The following WASHC2A variants were observed in gnomAD, a reference collection of about 807,000 sequenced individuals.
WASHC2A encodes the protein WASH complex subunit FAM21A.
Under a neutral mutation model 140.3 loss-of-function variants are expected in WASHC2A, and 82 were observed. The observed-to-expected ratio is 0.58, with a 90% confidence interval of 0.49 to 0.70. WASHC2A has a LOEUF of 0.70. WASHC2A is among the 30% of genes least tolerant of loss of function. The pLI is 0.00. For synonymous variants in WASHC2A, 340 were observed against 560.8 expected (o/e 0.61, Z 5.56); for missense variants, 985 against 1,521.8 (o/e 0.65, Z 5.87).
chr10:50,113,199 C>T (rs1459889013), intron 20 of WASHC2A, among the ~76,000 whole-genome samples: 1 of 151,234 alleles, frequency 6.6e-6, no homozygotes, highest in Non-Finnish European at 1.5e-5. Flanking sequence ...GCGACCTCAC[C>T]TCTCCAAAAA....
intron 15 of WASHC2A, 23 bp downstream of exon 15, chr10:50,095,801 C>T: frequency 6.3e-7 from 1 of 1,587,428 alleles, no homozygotes; most frequent in Non-Finnish European, 8.6e-7. Context: ...GCCTCCGTTT[C>T]TAGGACTTCA....
chr10:50,075,917 T>C (rs1277726274), intron 3 of WASHC2A, among the ~76,000 whole-genome samples: 6 of 151,744 alleles, frequency 4.0e-5, no homozygotes, highest in Non-Finnish European at 7.4e-5. Flanking sequence ...CTTTTACTTA[T>C]TTATTTATTT....
chr10:50,125,929 G>T, intron 25 of WASHC2A, 128 bp from the exon 26 acceptor site: 4 of 1,064,034 alleles, frequency 3.8e-6, no homozygotes, highest in Non-Finnish European at 5.4e-6. Context: ...CTACCTTTGA[G>T]TTGGTTCAGC....
In WASHC2A at chr10:50,072,548, G is replaced by A. The variant is rs1479914487; in HGVS notation, c.291+2837G>A. Among the ~76,000 whole-genome samples, 4 of 135,152 alleles carry A rather than the reference G, an allele frequency of 3.0e-5. No homozygotes were observed. In the East Asian group the frequency reaches 8.8e-4, roughly 30 times the overall value. The allele number at this position is 135,152 out of a possible 152,430, so 88.7% of individuals were successfully genotyped here. On this transcript the variant is annotated intron_variant, in intron 3 of 30. Coordinates refer to ENST00000282633, the MANE Select transcript of WASHC2A (RefSeq NM_001005751.3). The stretch of plus-strand genomic sequence containing the variant: ...GTCGCCCAGACTGGAGTGCAGTGGT[G>A]CAATCTCAGCCCACTGCAAGCTCTA...
intron 20 of WASHC2A, among the ~76,000 whole-genome samples, chr10:50,113,223 G>A (rs1422092041): frequency 5.9e-5 from 9 of 151,954 alleles, no homozygotes; most frequent in African/African-American, 2.2e-4. Context: ...AAAAAAATTA[G>A]CCAGGCATGG....
intron 3 of WASHC2A, among the ~76,000 whole-genome samples, chr10:50,071,934 A>G (rs1421261837): frequency 1.4e-5 from 2 of 141,398 alleles, no homozygotes; most frequent in Non-Finnish European, 1.5e-5. Flanking sequence ...TCCGAGACAG[A>G]GTCTTGCTCT....
At position 50,097,757 on chromosome 10, in the gene WASHC2A, C is replaced by A. The variant is rs1840627041; in HGVS notation, c.1503C>A (p.Ala501=). The A allele has an allele frequency of 6.2e-7, 1 of 1,606,978 alleles. No individual in the cohort carries two copies. Among genetic ancestry groups the A allele is most frequent in the Non-Finnish European group, 8.5e-7 (1 of 1,178,174 alleles). ...AAAAAGCCGTAGCATCGCCAGAAGC[C>A]ACTGTGAGTCAGACAGATGAAAATA... is the stretch of plus-strand genomic sequence containing the variant. ...FKEKAVASPE[A]TVSQTDENKA... The change falls in exon 16 of 31, where the codon GCC becomes GCA. Residue 501 remains alanine (A), a synonymous_variant. Coordinates refer to ENST00000282633, the MANE Select transcript of WASHC2A (RefSeq NM_001005751.3).
At chr10:50,102,928 G>A (rs1465294743) in intron 17 of WASHC2A, among the ~76,000 whole-genome samples, 1 of 151,690 alleles carries the variant, frequency 6.6e-6, no homozygotes, top group Non-Finnish European at 1.5e-5. Context: ...GTGCAATGGT[G>A]GGATCTTGGC....
chr10:50,104,759 C>T (rs1333008772), intron 18 of WASHC2A, among the ~76,000 whole-genome samples: 2 of 150,500 alleles, frequency 1.3e-5, no homozygotes, highest in South Asian at 4.2e-4. Flanking sequence ...GTTATTTTGA[C>T]TTCCACATTG....
intron 8 of WASHC2A, among the ~76,000 whole-genome samples, 199 bp from the exon 9 acceptor site, chr10:50,090,577 A>G (rs1589190265): frequency 7.0e-6 from 1 of 143,018 alleles, no homozygotes; most frequent in East Asian, 2.0e-4. Flanking sequence ...ATTTTTATAT[A>G]TATATTTTTC....
chr10:50,127,269 A>T (rs1388075710), intron 27 of WASHC2A, 47 bp downstream of exon 27: 2 of 1,611,844 alleles, frequency 1.2e-6, no homozygotes, highest in Non-Finnish European at 1.7e-6. Context: ...TGGCATCTAT[A>T]AACTTTTTTG....
chr10:50,124,868 G>GTATA, intron 23 of WASHC2A, among the ~76,000 whole-genome samples: 1 of 133,788 alleles, frequency 7.5e-6, no homozygotes, highest in East Asian at 2.0e-4. Flanking sequence ...TAAAGCTTGT[G>GTATA]CATATATATA....
intron 17 of WASHC2A, among the ~76,000 whole-genome samples, chr10:50,101,287 C>T (rs1841135115): frequency 6.6e-6 from 1 of 152,312 alleles, no homozygotes; most frequent in South Asian, 2.1e-4. Flanking sequence ...AGGGTCTTTG[C>T]ACCGGCCCCT....
intron 19 of WASHC2A, among the ~76,000 whole-genome samples, chr10:50,109,598 C>T (rs1220724897): frequency 6.6e-6 from 1 of 152,046 alleles, no homozygotes; most frequent in African/African-American, 2.4e-5. Context: ...ATGAGAAGCT[C>T]TGTGAGGTCA....
rs782080240 is a variant in WASHC2A, at chr10:50,104,005, T to C, written c.1636-37T>C. On this transcript the variant is annotated intron_variant, in intron 17 of 30. Transcript: ENST00000282633. The stretch of plus-strand genomic sequence containing the variant: ...TGACCTGATATTTTAAAAACTGATA[T>C]TCCTGTTAACCAGCAACTTTAATTT... 2.2e-5 allele frequency: 34 copies of C among 1,519,358 alleles called. No individual in the cohort carries two copies. The African/African-American group carries it at 4.5e-4, about 20-fold the overall frequency. 94.1% of individuals were successfully genotyped at this position (1,519,358 alleles called of 1,614,324 possible).
At position 50,127,235 on chromosome 10, in the gene WASHC2A, C is replaced by A; in HGVS notation, c.2874+13C>A. 6.2e-7 allele frequency: 1 copy of A among 1,612,020 alleles called. No individual in the cohort carries two copies. The highest frequency in any genetic ancestry group is 8.5e-7 in the Non-Finnish European group (1 of 1,179,872). On this transcript the variant is annotated intron_variant, in intron 27 of 30. Coordinates refer to ENST00000282633, the MANE Select transcript of WASHC2A (RefSeq NM_001005751.3). ...CGGGAAGATACAAGTAATTAAAACA[C>A]TGGAATCTTCATTGCCTGCCCTGTG...
At chr10:50,068,370 G>A (rs1705830968) in intron 2 of WASHC2A, 143 bp downstream of exon 2, 3 of 1,188,484 alleles carry the variant, frequency 2.5e-6, no homozygotes, top group Non-Finnish European at 2.3e-6. Flanking sequence ...TAGCCCCCGA[G>A]AATGCCACCC....
intron 30 of WASHC2A, 95 bp downstream of exon 30, chr10:50,131,173 A>G: frequency 6.3e-7 from 1 of 1,576,948 alleles, no homozygotes; most frequent in Non-Finnish European, 8.7e-7. Flanking sequence ...TTTCTGGAAA[A>G]TGCACCCCAG....
rs1839465231 is a variant in WASHC2A, at chr10:50,087,225, G to A, written c.685-50G>A. The A allele has an allele frequency of 2.5e-6, 4 of 1,612,634 alleles. No homozygotes were observed. The African/African-American group carries it at 4.0e-5, about 16-fold the overall frequency. The stretch of plus-strand genomic sequence containing the variant: ...GACTTAGACCTGCAATCATTTCTGT[G>A]CTTCTAAGTAAAGCCCATTTAACAA... On this transcript the variant is annotated intron_variant, in intron 7 of 30. Coordinates refer to ENST00000282633, the MANE Select transcript of WASHC2A (RefSeq NM_001005751.3).
Sources: gnomAD v4.1 joint callset for allele counts (sites outside exome capture counted in the v4.1 genomes callset) on GRCh38, gnomAD v4.1.1 for gene constraint, MANE v1.5 for transcripts, NCBI Gene and HGNC (gene_info 2026-07-23, HGNC 2026-07-21) for gene names.